SLC38A12: variants seen among roughly 807,000 people sequenced by gnomAD.
SLC38A12 encodes putative sodium-coupled neutral amino acid transporter 12.
chr17:74,788,136 C>T, the SLC38A12 span, among the ~76,000 whole-genome samples: 1 of 152,214 alleles, frequency 6.6e-6, no homozygotes. Flanking sequence ...TTTTTCCAAT[C>T]TAGTCTGACT....
chr17:74,804,219 G>T, the SLC38A12 span, among the ~76,000 whole-genome samples: 1 of 152,332 alleles, frequency 6.6e-6, no homozygotes, highest in Admixed American at 6.5e-5. Flanking sequence ...TCTATATAGC[G>T]CCCCAGGGCC....
chr17:74,792,665 G>T, the SLC38A12 span, among the ~76,000 whole-genome samples: 2 of 152,098 alleles, frequency 1.3e-5, no homozygotes, highest in East Asian at 1.9e-4. Context: ...ACTTAGAGCC[G>T]GGGGGACTGT....
chr17:74,795,064 C>G, the SLC38A12 span: 1 of 1,614,148 alleles, frequency 6.2e-7, no homozygotes, highest in South Asian at 1.1e-5. Flanking sequence ...ATGGAGACCT[C>G]GCCATCTATG....
chr17:74,835,731 A>G, the SLC38A12 span, among the ~76,000 whole-genome samples: 1 of 152,220 alleles, frequency 6.6e-6, no homozygotes, highest in East Asian at 1.9e-4. Flanking sequence ...AGGGGAGAAC[A>G]GGACAGAGAG....
the SLC38A12 span, among the ~76,000 whole-genome samples, chr17:74,789,257 G>C: frequency 6.6e-6 from 1 of 151,892 alleles, no homozygotes; most frequent in South Asian, 2.1e-4. Flanking sequence ...GGGGCCGGTG[G>C]GGGGGCTCAC....
At chr17:74,818,343 C>G in the SLC38A12 span, among the ~76,000 whole-genome samples, 3 of 152,362 alleles carry the variant, frequency 2.0e-5, no homozygotes, top group Admixed American at 2.0e-4. Context: ...GAAAGCTGCT[C>G]TTTCCAAAGC....
At chr17:74,798,942 C>T in the SLC38A12 span, among the ~76,000 whole-genome samples, 1 of 152,152 alleles carries the variant, frequency 6.6e-6, no homozygotes, top group Admixed American at 6.5e-5. Context: ...GCCAGGGACC[C>T]CTGGTGAGGT....
the SLC38A12 span, chr17:74,838,785 C>G: frequency 6.7e-7 from 1 of 1,488,154 alleles, no homozygotes; most frequent in East Asian, 2.5e-5. Flanking sequence ...GCAAGAGAGC[C>G]CCAGGTGATG....
At chr17:74,805,721 C>G in the SLC38A12 span, among the ~76,000 whole-genome samples, 3 of 152,210 alleles carry the variant, frequency 2.0e-5, no homozygotes, top group African/African-American at 4.8e-5. This position sits in a 1 kb window ranked among gnomAD's most constrained non-coding sequence, Gnocchi z 5.0. Context: ...CACCCGTGTT[C>G]TGGGCACCTG....
At chr17:74,790,052 C>G in the SLC38A12 span, 1 of 626,278 alleles carries the variant, frequency 1.6e-6, no homozygotes, top group African/African-American at 1.8e-5. Context: ...CTCCTGGGCT[C>G]AGGTGATCCT....
chr17:74,827,792 C>T, the SLC38A12 span, among the ~76,000 whole-genome samples: 1 of 152,118 alleles, frequency 6.6e-6, no homozygotes, highest in South Asian at 2.1e-4. The surrounding 1 kb of genome is among the most constrained non-coding windows in gnomAD (Gnocchi z 4.7). Flanking sequence ...CTCCTTCTGC[C>T]GAGGTCAGTC....
chr17:74,826,125 A>C, the SLC38A12 span, among the ~76,000 whole-genome samples: 1 of 152,220 alleles, frequency 6.6e-6, no homozygotes, highest in Admixed American at 6.5e-5. Flanking sequence ...CAATGATTGC[A>C]CACTGAGCTT....
chr17:74,836,594 C>G, the SLC38A12 span: 5 of 1,613,164 alleles, frequency 3.1e-6, no homozygotes, highest in Non-Finnish European at 4.2e-6. The surrounding 1 kb of genome is among the most constrained non-coding windows in gnomAD (Gnocchi z 4.2). Flanking sequence ...CCCCTTTCCG[C>G]CACACCTTCT....
At chr17:74,822,584 G>A in the SLC38A12 span, among the ~76,000 whole-genome samples, 4 of 152,188 alleles carry the variant, frequency 2.6e-5, no homozygotes, top group Admixed American at 6.5e-5. Context: ...CCTCTCAGGC[G>A]AACCTTTTCT....
At chr17:74,814,846 G>A in the SLC38A12 span, among the ~76,000 whole-genome samples, 1 of 152,202 alleles carries the variant, frequency 6.6e-6, no homozygotes, top group South Asian at 2.1e-4. Flanking sequence ...GTTACACTCT[G>A]CTGGGGACAC....
chr17:74,778,345 A>G, the SLC38A12 span, among the ~76,000 whole-genome samples: 1 of 152,204 alleles, frequency 6.6e-6, no homozygotes, highest in Non-Finnish European at 1.5e-5. Flanking sequence ...CAACCCTCCC[A>G]GGCAAAAGCA....
At chr17:74,819,667 C>A in the SLC38A12 span, 2 of 1,377,256 alleles carry the variant, frequency 1.5e-6, no homozygotes, top group South Asian at 1.2e-5. Context: ...TGGGCGGAGG[C>A]CACGTGAGCA....
At chr17:74,812,717 TC>T in the SLC38A12 span, among the ~76,000 whole-genome samples, 1 of 152,098 alleles carries the variant, frequency 6.6e-6, no homozygotes, top group African/African-American at 2.4e-5. Flanking sequence ...CGTGGTCAGC[TC>T]CCACAGGTCT....
At chr17:74,819,681 G>A in the SLC38A12 span, 1 of 1,481,636 alleles carries the variant, frequency 6.7e-7, no homozygotes, top group South Asian at 1.1e-5. Flanking sequence ...GTGAGCAGCA[G>A]CGTCTTCCGT....
Sources: allele counts gnomAD v4.1 joint callset (sites outside exome capture counted in the v4.1 genomes callset), GRCh38; gene constraint gnomAD v4.1.1; non-coding constraint Gnocchi (gnomAD v3.1); transcripts MANE v1.5; gene names NCBI Gene and HGNC (gene_info 2026-07-23, HGNC 2026-07-21).